Variants in HDAC4 observed in about 807,000 individuals in gnomAD.
HDAC4 encodes histone deacetylase 4.
HDAC4 carries 16 observed loss-of-function variants against 135.1 expected under a neutral mutation model. The ratio of observed to expected loss-of-function variants is 0.12; its 90% confidence interval spans 0.08 to 0.18. The LOEUF is 0.18. Among genes scored for constraint, HDAC4 ranks in the 10% least tolerant of loss-of-function variants. The pLI, the probability that HDAC4 is intolerant of heterozygous loss-of-function variation, is 1.00. For missense variants in HDAC4, 1,143 were observed against 1,511.8 expected (o/e 0.76, Z 4.05); for synonymous variants, 685 against 653.4 (o/e 1.05, Z -0.74).
chr2:239,307,296 A>G lies in HDAC4; in HGVS notation c.22+45382T>C, dbSNP rs1163085371. 6.6e-6 allele frequency among the ~76,000 whole-genome samples: 1 copy of G among 152,116 alleles called. No homozygotes were observed. Among genetic ancestry groups the G allele is most frequent in the Non-Finnish European group, 1.5e-5 (1 of 68,018 alleles). On this transcript the variant is annotated intron_variant, in intron 2 of 26. Coordinates refer to ENST00000543185, the MANE Select transcript of HDAC4 (RefSeq NM_001378414.1). The surrounding 1 kb of genome is among the most constrained non-coding windows in gnomAD (Gnocchi z 4.8). ...CCTCAGGGGACCATGGGCTACTTTC[A>G]GAAACAAGAGGGTGTTCTGTTTAGA...
intron 1 of HDAC4, among the ~76,000 whole-genome samples, chr2:239,396,088 T>A (rs1289184493): frequency 1.3e-5 from 2 of 151,806 alleles, no homozygotes; most frequent in African/African-American, 4.8e-5. Flanking sequence ...GTGATTCTCC[T>A]GCCACAGCCT....
intron 2 of HDAC4, among the ~76,000 whole-genome samples, chr2:239,325,645 G>A (rs1054595771): frequency 4.6e-5 from 7 of 152,216 alleles, no homozygotes; most frequent in Non-Finnish European, 1.0e-4. Context: ...GCAGTGTTGT[G>A]GAAAACACTT....
rs575991634 is a variant in HDAC4, at chr2:239,097,160, G to A, written c.2234-2104C>T. Among the ~76,000 whole-genome samples the A allele has an allele frequency of 6.0e-4, 92 of 152,364 alleles. 1 individual carries two copies. Among genetic ancestry groups the A allele is most frequent in the African/African-American group, 2.0e-3 (84 of 41,596 alleles). On this transcript the variant is annotated intron_variant, in intron 16 of 26. Coordinates refer to ENST00000543185, the MANE Select transcript of HDAC4 (RefSeq NM_001378414.1). ...CCAGCCTGTGTCGGAGGGAGCCCGC[G>A]CTCCTCTCCACCTGGCCTGGCTCCA...
chr2:239,271,704 C>T lies in HDAC4; in HGVS notation c.23-35040G>A, dbSNP rs1011870899. Among the ~76,000 whole-genome samples, 18 of 152,174 alleles carry T rather than the reference C, an allele frequency of 1.2e-4. 1 individual carries two copies. Among genetic ancestry groups the T allele is most frequent in the African/African-American group, 2.7e-4 (11 of 41,430 alleles). ...GCTGAGTGAGAGTCCAGTTCTGGAC[C>T]CCGAAGACAGGTTGCCCTTCATCCT... On this transcript the variant is annotated intron_variant, in intron 2 of 26. Transcript: ENST00000543185.
At chr2:239,312,830 G>A (rs1217228212) in intron 2 of HDAC4, among the ~76,000 whole-genome samples, 1 of 152,226 alleles carries the variant, frequency 6.6e-6, no homozygotes, top group Non-Finnish European at 1.5e-5. Flanking sequence ...TACACGGAGA[G>A]GGGAGCCTGC....
chr2:239,294,052 C>T (rs987942973), intron 2 of HDAC4, among the ~76,000 whole-genome samples: 3 of 152,226 alleles, frequency 2.0e-5, no homozygotes, highest in African/African-American at 7.2e-5. Context: ...ACCCGCCCAT[C>T]GTCTCCCAGC....
At chr2:239,333,890 G>T (rs1265219209) in intron 2 of HDAC4, among the ~76,000 whole-genome samples, 1 of 152,132 alleles carries the variant, frequency 6.6e-6, no homozygotes, top group East Asian at 1.9e-4. Flanking sequence ...TTTTTCTCTT[G>T]ATATTAGAAT....
chr2:239,343,608 T>A (rs561631790), intron 2 of HDAC4, among the ~76,000 whole-genome samples: 1 of 152,306 alleles, frequency 6.6e-6, no homozygotes, highest in South Asian at 2.1e-4. Context: ...GGCCTCCACA[T>A]CCCTCAGGGG....
At chr2:239,110,818 T>C (rs529850412) in intron 14 of HDAC4, among the ~76,000 whole-genome samples, 1 of 152,342 alleles carries the variant, frequency 6.6e-6, no homozygotes, top group South Asian at 2.1e-4. Context: ...TCCTCTCCCC[T>C]GCAGGGGTGG....
intron 1 of HDAC4, among the ~76,000 whole-genome samples, chr2:239,367,213 T>C (rs978607222): frequency 1.3e-5 from 2 of 152,110 alleles, no homozygotes; most frequent in Non-Finnish European, 2.9e-5. Flanking sequence ...AAAAATGTCA[T>C]GTGCCCTTCT....
chr2:239,051,812 TC>T lies in HDAC4; in HGVS notation c.*1284del, dbSNP rs1433859826. 1 of 152,194 alleles carries T rather than the reference TC, an allele frequency of 6.6e-6. No individual in the cohort carries two copies. The highest frequency in any genetic ancestry group is 2.4e-5 in the African/African-American group (1 of 41,404). The allele number at this position is 152,194 out of a possible 1,614,324, so 9.4% of individuals were successfully genotyped here. A position where few individuals can be genotyped will look rare whatever the true frequency, so the allele number is the denominator to read the frequency against. On this transcript the variant is annotated 3_prime_UTR_variant, in exon 27 of 27. Transcript: ENST00000543185. ...ACCTTGAGAGCAAATTCACAAGCCATCCATTTGCAGGGACCTTCGCAATCTG... is the reference window on the plus strand; with the variant it reads ...ACCTTGAGAGCAAATTCACAAGCCATCATTTGCAGGGACCTTCGCAATCTG...
chr2:239,360,679 G>A (rs539637870), intron 1 of HDAC4, among the ~76,000 whole-genome samples: 1 of 151,618 alleles, frequency 6.6e-6, no homozygotes, highest in African/African-American at 2.4e-5. Flanking sequence ...GTACTAGACA[G>A]GGAGCGGGGA....
rs779831738 is a variant in HDAC4, at chr2:239,063,928, GCGC to G, written c.3003+2791_3003+2793del. On this transcript the variant is annotated intron_variant, in intron 24 of 26. Coordinates refer to ENST00000543185, the MANE Select transcript of HDAC4 (RefSeq NM_001378414.1). ...CAGCCTTTGGGTGAGCCGAGGCTCAGCGCTGCCGGTCCTGGGCCTCCCTCAGCG... is the reference window on the plus strand; with the variant it reads ...CAGCCTTTGGGTGAGCCGAGGCTCAGTGCCGGTCCTGGGCCTCCCTCAGCG... Among the ~76,000 whole-genome samples, 97 of 152,330 alleles carry G rather than the reference GCGC, an allele frequency of 6.4e-4. 2 individuals are homozygous for G. Among genetic ancestry groups the G allele is most frequent in the Admixed American group, 1.0e-3 (16 of 15,312 alleles).
rs541893705 is a variant in HDAC4 at position 239,281,852 on chromosome 2, C to T, written c.23-45188G>A. ...ACACACCACTCTACAATGAACACAC[C>T]ACTCTACACACAATGTACACACCAC... On this transcript the variant is annotated intron_variant, in intron 2 of 26. Coordinates refer to ENST00000543185, the MANE Select transcript of HDAC4 (RefSeq NM_001378414.1). Among the ~76,000 whole-genome samples the T allele has an allele frequency of 6.1e-3, 912 of 149,332 alleles. 17 individuals carry two copies. Among genetic ancestry groups the T allele is most frequent in the Non-Finnish European group, 8.4e-3 (562 of 67,218 alleles).
intron 11 of HDAC4, among the ~76,000 whole-genome samples, chr2:239,131,982 T>A (rs1306558814): frequency 2.0e-5 from 3 of 152,050 alleles, no homozygotes; most frequent in Non-Finnish European, 4.4e-5. Context: ...GGAGGCTTCT[T>A]CCCACAAGAA....
At chr2:239,247,192 CA>C (rs2048517207) in intron 2 of HDAC4, among the ~76,000 whole-genome samples, 2 of 152,236 alleles carry the variant, frequency 1.3e-5, no homozygotes, top group South Asian at 4.1e-4. Flanking sequence ...CCGGGCAAAC[CA>C]AAAGGCCCAC....
intron 3 of HDAC4, among the ~76,000 whole-genome samples, chr2:239,233,663 A>T (rs2047726240): frequency 6.6e-6 from 1 of 152,208 alleles, no homozygotes; most frequent in Admixed American, 6.5e-5. Flanking sequence ...GTGTATTGAA[A>T]AAGAACCATA....
intron 6 of HDAC4, among the ~76,000 whole-genome samples, chr2:239,158,019 C>T (rs1201046473): frequency 6.6e-6 from 1 of 152,246 alleles, no homozygotes; most frequent in Non-Finnish European, 1.5e-5. Context: ...TCGCTGTTTC[C>T]CGGGGAATTC....
At chr2:239,186,551 C>G (rs189629314) in intron 4 of HDAC4, 1 of 152,346 alleles carries the variant, frequency 6.6e-6, no homozygotes, top group African/African-American at 2.4e-5. Context: ...TTTTGAGACC[C>G]TGGCCCAGAG....
Sources: gnomAD v4.1 joint callset for allele counts (sites outside exome capture counted in the v4.1 genomes callset) on GRCh38, gnomAD v4.1.1 for gene constraint, Gnocchi (gnomAD v3.1) non-coding constraint, MANE v1.5 for transcripts, NCBI Gene and HGNC (gene_info 2026-07-23, HGNC 2026-07-21) for gene names.